MAP7: variants seen among roughly 807,000 people sequenced by gnomAD.
MAP7 encodes ensconsin.
A neutral mutation model predicts 94.8 loss-of-function variants in MAP7; 52 were observed. The ratio of observed to expected loss-of-function variants is 0.55; its 90% confidence interval spans 0.44 to 0.69. The LOEUF is 0.69. MAP7 is among the 30% of genes least tolerant of loss of function. The probability of loss-of-function intolerance (pLI) is 0.00; values close to 1 mark genes in which losing one functional copy is unlikely to be tolerated. For synonymous variants in MAP7, 350 were observed against 357.0 expected, an observed-to-expected ratio of 0.98 and a Z score of 0.22; for missense variants, 940 against 964.6, an observed-to-expected ratio of 0.97 and a Z score of 0.34.
chr6:136,376,340 C>A (rs768658128), intron 7 of MAP7, among the ~76,000 whole-genome samples: 1 of 151,968 alleles, frequency 6.6e-6, no homozygotes, highest in Non-Finnish European at 1.5e-5. Context: ...CCTCAACGAT[C>A]TGCCCACCTC....
chr6:136,482,377 T>C (rs1305754346), intron 1 of MAP7, among the ~76,000 whole-genome samples: 2 of 152,132 alleles, frequency 1.3e-5, no homozygotes, highest in Admixed American at 1.3e-4. Context: ...GGAGGGTGGA[T>C]CACCTGAGGT....
chr6:136,508,216 A>G (rs1008728006), intron 1 of MAP7, among the ~76,000 whole-genome samples: 2 of 151,686 alleles, frequency 1.3e-5, no homozygotes, highest in African/African-American at 2.4e-5. Context: ...TCTCAGCTAC[A>G]TGGGAGGCTG....
intron 1 of MAP7, chr6:136,526,429 C>G (rs767221552): frequency 1.0e-6 from 1 of 987,578 alleles, no homozygotes; most frequent in Non-Finnish European, 1.2e-6. Flanking sequence ...TGCTACCACA[C>G]AGTAAAATAT....
intron 1 of MAP7, among the ~76,000 whole-genome samples, chr6:136,441,461 G>A (rs972800632): frequency 6.6e-6 from 1 of 152,184 alleles, no homozygotes; most frequent in South Asian, 2.1e-4. Flanking sequence ...TGGTGTTTTA[G>A]TAACTGTTTC....
At chr6:136,419,232 A>T (rs910653697) in intron 2 of MAP7, among the ~76,000 whole-genome samples, 2 of 152,236 alleles carry the variant, frequency 1.3e-5, no homozygotes, top group Admixed American at 6.5e-5. Flanking sequence ...ATATATTCCT[A>T]GTACTTTAAT....
chr6:136,542,446 T>C (rs1486759069), intron 1 of MAP7, among the ~76,000 whole-genome samples: 1 of 152,190 alleles, frequency 6.6e-6, no homozygotes, highest in African/African-American at 2.4e-5. Context: ...TTTGACAATA[T>C]AAGATGTTCC....
At chr6:136,402,331 G>A (rs1004447445) in intron 3 of MAP7, among the ~76,000 whole-genome samples, 1 of 152,216 alleles carries the variant, frequency 6.6e-6, no homozygotes, top group Non-Finnish European at 1.5e-5. Flanking sequence ...AAGAGTTAAA[G>A]GACAGAGTGA....
At position 136,366,006 on chromosome 6, in the gene MAP7, C is replaced by T. The variant is rs145396994; in HGVS notation, c.1002G>A (p.Lys334=). ...GTGTGCCAGGCAAATGAGGAAGAGA[C>T]TTGGACGGAAGCCTGGGCCACAAAC... The part of the protein sequence containing the change: ...PARSRLWLPS[K]SLPHLPGTPR... Residue 334 remains lysine, a synonymous_variant, in exon 10 of 18, where the codon AAG becomes AAA. Transcript: ENST00000354570. 6.8e-5 allele frequency: 110 copies of T among 1,609,172 alleles called. No homozygotes were observed. In the African/African-American group the frequency reaches 1.0e-3, roughly 15 times the overall value.
At chr6:136,363,612 A>C (rs547138504) in intron 10 of MAP7, among the ~76,000 whole-genome samples, 1 of 152,356 alleles carries the variant, frequency 6.6e-6, no homozygotes, top group South Asian at 2.1e-4. Context: ...TCTATCTTCA[A>C]ATTAAGTCTT....
intron 1 of MAP7, among the ~76,000 whole-genome samples, chr6:136,483,497 C>T (rs1813597901): frequency 6.6e-6 from 1 of 151,838 alleles, no homozygotes; most frequent in Non-Finnish European, 1.5e-5. Context: ...GCACATGTAC[C>T]CTTGATATAA....
chr6:136,440,574 C>G (rs759652824), intron 1 of MAP7, among the ~76,000 whole-genome samples: 6 of 152,290 alleles, frequency 3.9e-5, no homozygotes, highest in African/African-American at 9.6e-5. Context: ...TCTTTACTCA[C>G]TTAAAAATGC....
At chr6:136,549,256 T>C (rs1829955190) in intron 1 of MAP7, among the ~76,000 whole-genome samples, 1 of 152,172 alleles carries the variant, frequency 6.6e-6, no homozygotes, top group African/African-American at 2.4e-5. Context: ...TGTGACCGTA[T>C]GGAAGTGGAA....
At chr6:136,525,894 C>A (rs1050137504) in intron 1 of MAP7, 1 of 1,535,602 alleles carries the variant, frequency 6.5e-7, no homozygotes, top group Non-Finnish European at 8.7e-7. Context: ...GGTGAATAAA[C>A]CAAGAGGAAT....
rs1787511889 is a variant in MAP7 at position 136,411,666 on chromosome 6, C to T, written c.198G>A (p.Arg66=). ...DPPPVLRVDD[R]QRLARERREE... ...CACGTCGCTCCCGGGCCAGCCGCTGCCGGTCATCAACACGTAACACAGGCG... is the reference window on the plus strand; with the variant it reads ...CACGTCGCTCCCGGGCCAGCCGCTGTCGGTCATCAACACGTAACACAGGCG... Residue 66 remains arginine, a synonymous_variant, in exon 3 of 18, where the codon CGG becomes CGA. Transcript: ENST00000354570. The T allele has an allele frequency of 6.4e-7, 1 of 1,567,868 alleles. No homozygotes were observed. Among genetic ancestry groups the T allele is most frequent in the Non-Finnish European group, 8.7e-7 (1 of 1,154,756 alleles).
intron 1 of MAP7, among the ~76,000 whole-genome samples, chr6:136,539,853 C>T (rs1829166494): frequency 6.6e-6 from 1 of 152,188 alleles, no homozygotes; most frequent in South Asian, 2.1e-4. Flanking sequence ...ATGGCATGCA[C>T]CCGTAGTCTC....
intron 3 of MAP7, among the ~76,000 whole-genome samples, chr6:136,401,345 G>A (rs979276208): frequency 2.6e-5 from 4 of 152,058 alleles, no homozygotes; most frequent in African/African-American, 9.7e-5. Flanking sequence ...TGTTTATTGA[G>A]GCACTATTCA....
chr6:136,428,725 G>A (rs571348656), intron 1 of MAP7, among the ~76,000 whole-genome samples: 1 of 152,108 alleles, frequency 6.6e-6, no homozygotes, highest in Non-Finnish European at 1.5e-5. Flanking sequence ...ATCATATTCT[G>A]AGCTTAAACA....
intron 1 of MAP7, among the ~76,000 whole-genome samples, chr6:136,472,636 A>G (rs897406765): frequency 5.3e-5 from 8 of 152,162 alleles, no homozygotes; most frequent in Non-Finnish European, 8.8e-5. Flanking sequence ...TAATGCCACA[A>G]TGAAACTGGG....
chr6:136,403,774 C>A (rs1214477202), intron 3 of MAP7, among the ~76,000 whole-genome samples: 1 of 152,204 alleles, frequency 6.6e-6, no homozygotes, highest in East Asian at 1.9e-4. Flanking sequence ...TTCTGCTTAC[C>A]TAATCCATGC....
Sources: gnomAD v4.1 joint callset for allele counts (sites outside exome capture counted in the v4.1 genomes callset) on GRCh38, gnomAD v4.1.1 for gene constraint, MANE v1.5 for transcripts, NCBI Gene and HGNC (gene_info 2026-07-23, HGNC 2026-07-21) for gene names.